Variants in LARGE1 observed in about 807,000 individuals in gnomAD.
LARGE1 encodes xylosyl- and glucuronyltransferase LARGE1.
A neutral mutation model predicts 87.6 loss-of-function variants in LARGE1; 43 were observed. The observed-to-expected ratio is 0.49, with a 90% CI of 0.38 to 0.63. The LOEUF (loss-of-function observed/expected upper bound fraction) is 0.63, where lower values mean the gene tolerates loss of function less well. Among genes scored for constraint, LARGE1 ranks in the 30% least tolerant of loss-of-function variants. The probability of loss-of-function intolerance (pLI) is 0.00; values close to 1 mark genes in which losing one functional copy is unlikely to be tolerated. For missense variants in LARGE1, 802 were observed against 1,000.2 expected (o/e 0.80, Z 2.67); for synonymous variants, 434 against 394.6 (o/e 1.10, Z -1.18).
intron 1 of LARGE1, among the ~76,000 whole-genome samples, chr22:33,875,428 C>T (rs971130775): frequency 6.6e-6 from 1 of 152,204 alleles, no homozygotes; most frequent in African/African-American, 2.4e-5. Context: ...GACTGGGGAA[C>T]CATGGGGGCA....
chr22:33,468,105 G>A (rs368602944), intron 6 of LARGE1, among the ~76,000 whole-genome samples: 7 of 152,284 alleles, frequency 4.6e-5, no homozygotes, highest in East Asian at 3.9e-4. Context: ...AATCAACAGC[G>A]TTGATGAGCG....
chr22:33,864,118 T>C (rs1343367358), intron 1 of LARGE1, among the ~76,000 whole-genome samples: 1 of 152,120 alleles, frequency 6.6e-6, no homozygotes, highest in Non-Finnish European at 1.5e-5. Flanking sequence ...GGTAGAGTCT[T>C]GACCTGACAG....
chr22:33,264,883 CA>C (rs1296410508), intron 11 of LARGE1, among the ~76,000 whole-genome samples: 1 of 128,284 alleles, frequency 7.8e-6, no homozygotes, highest in Non-Finnish European at 1.6e-5. Flanking sequence ...GACATCTGAT[CA>C]AATTCTTTTT....
At chr22:33,912,775 T>TG (rs1491494807) in intron 1 of LARGE1, among the ~76,000 whole-genome samples, 3 of 88,214 alleles carry the variant, frequency 3.4e-5, no homozygotes, top group East Asian at 3.5e-4. Flanking sequence ...AGAACAACAA[T>TG]GAAAAAAAAA....
intron 3 of LARGE1, among the ~76,000 whole-genome samples, chr22:33,636,150 A>G (rs1056716464): frequency 1.1e-4 from 17 of 152,198 alleles, no homozygotes; most frequent in African/African-American, 4.1e-4. Flanking sequence ...CAGAAACCCA[A>G]ATTTTACACA....
chr22:33,324,228 C>CAAAA lies in LARGE1; in HGVS notation c.1288-7984_1288-7981dup, dbSNP rs1161508287. On this transcript the variant is annotated intron_variant, in intron 10 of 14. Transcript: ENST00000397394. ...TGGGCAACAGACCAAGACTCCATCT[C>CAAAA]AAAAAAAAAAAAAAAAAAAAAAAAA... 1.8e-3 allele frequency among the ~76,000 whole-genome samples: 19 copies of CAAAA among 10,738 alleles called. 1 individual carries two copies. The highest frequency in any genetic ancestry group is 3.6e-3 in the African/African-American group (12 of 3,358). The allele number at this position is 10,738 out of a possible 152,430, so 7.0% of individuals were successfully genotyped here.
chr22:33,424,776 C>G (rs1264341216), intron 7 of LARGE1, among the ~76,000 whole-genome samples: 1 of 151,856 alleles, frequency 6.6e-6, no homozygotes, highest in Non-Finnish European at 1.5e-5. Flanking sequence ...CCTAGGAGGT[C>G]GAGGCTGCAG....
At chr22:33,248,903 G>A (rs556984926) in intron 11 of LARGE1, among the ~76,000 whole-genome samples, 2 of 152,218 alleles carry the variant, frequency 1.3e-5, no homozygotes, top group Admixed American at 6.5e-5. Context: ...TCTTTTCAGA[G>A]CGGAATAATA....
chr22:33,409,429 C>T (rs2066227038), intron 7 of LARGE1, among the ~76,000 whole-genome samples: 2 of 152,102 alleles, frequency 1.3e-5, no homozygotes, highest in Admixed American at 6.5e-5. Context: ...TGCCTGTCCC[C>T]TTTTCCCAGT....
Position 33,481,220 on chromosome 22 carries a change from T to TACACACACACAC in LARGE1, c.788-48967_788-48956dup, listed in dbSNP as rs71785834. 9.9e-3 allele frequency among the ~76,000 whole-genome samples: 1,454 copies of TACACACACACAC among 146,660 alleles called. 28 individuals are homozygous for TACACACACACAC. Among genetic ancestry groups the TACACACACACAC allele is most frequent in the African/African-American group, 0.034 (1,364 of 39,894 alleles). On this transcript the variant is annotated intron_variant, in intron 6 of 14. Transcript: ENST00000397394. ...CCTTTATTATCATTGGCACTATAGA[T>TACACACACACAC]ACACACACACACACACACACACACG...
At chr22:33,560,512 C>CG (rs1405515424) in intron 6 of LARGE1, among the ~76,000 whole-genome samples, 1 of 152,212 alleles carries the variant, frequency 6.6e-6, no homozygotes, top group African/African-American at 2.4e-5. Context: ...ATATTCAGCA[C>CG]GGCCTTCTTC....
intron 11 of LARGE1, among the ~76,000 whole-genome samples, chr22:33,207,245 AT>A (rs1924730366): frequency 6.6e-6 from 1 of 152,194 alleles, no homozygotes; most frequent in Non-Finnish European, 1.5e-5. Flanking sequence ...CTAAATTACC[AT>A]TCCCTTTTCC....
At chr22:33,486,999 G>A (rs1006226657) in intron 6 of LARGE1, among the ~76,000 whole-genome samples, 4 of 152,068 alleles carry the variant, frequency 2.6e-5, no homozygotes, top group East Asian at 1.9e-4. Context: ...TCCAAATTGC[G>A]GACACAAATA....
At chr22:33,339,649 T>C (rs1938923424) in intron 9 of LARGE1, among the ~76,000 whole-genome samples, 1 of 151,694 alleles carries the variant, frequency 6.6e-6, no homozygotes, top group African/African-American at 2.4e-5. Context: ...AGACAAGATA[T>C]GCACAAGAAA....
intron 1 of LARGE1, among the ~76,000 whole-genome samples, chr22:33,808,519 C>T (rs1441556431): frequency 6.6e-6 from 1 of 152,170 alleles, no homozygotes; most frequent in Non-Finnish European, 1.5e-5. Context: ...AAGTCTTCTC[C>T]AGTAATATGC....
chr22:33,409,860 CAAA>C (rs35645500), intron 7 of LARGE1, among the ~76,000 whole-genome samples: 6 of 63,076 alleles, frequency 9.5e-5, no homozygotes, highest in Non-Finnish European at 6.5e-5. Context: ...GACTCCATCT[CAAA>C]AAAAAAAAAA....
chr22:33,186,121 G>A (rs1429579685), intron 11 of LARGE1, among the ~76,000 whole-genome samples: 4 of 151,972 alleles, frequency 2.6e-5, no homozygotes, highest in Non-Finnish European at 5.9e-5. Flanking sequence ...AAAATCAATC[G>A]CACACAAATC....
chr22:33,242,426 C>A (rs1229901653), intron 11 of LARGE1, among the ~76,000 whole-genome samples: 1 of 152,158 alleles, frequency 6.6e-6, no homozygotes, highest in African/African-American at 2.4e-5. Context: ...CATTCTCAGT[C>A]TATTGCTAGA....
chr22:33,297,979 C>CAA (rs757656914), intron 12 of LARGE1, among the ~76,000 whole-genome samples: 533 of 46,484 alleles, frequency 0.011, 6 homozygotes, highest in African/African-American at 0.011. Flanking sequence ...GACATCATCT[C>CAA]AAAAAAAAAA....
Sources: allele counts gnomAD v4.1 joint callset (sites outside exome capture counted in the v4.1 genomes callset), GRCh38; gene constraint gnomAD v4.1.1; transcripts MANE v1.5; gene names NCBI Gene and HGNC (gene_info 2026-07-23, HGNC 2026-07-21).